ANK2: variants seen among roughly 807,000 people sequenced by gnomAD.
The protein encoded by ANK2 is ankyrin-2.
ANK2 carries 83 observed loss-of-function variants against 360.5 expected under a neutral mutation model. That is an observed-to-expected ratio of 0.23 (90% CI 0.19 to 0.28). ANK2 has a LOEUF of 0.28. Ranked by LOEUF, ANK2 falls within the 10% of genes least tolerant of loss-of-function variation. The pLI is 1.00. For synonymous variants in ANK2, 1,740 were observed against 1,759.5 expected, an observed-to-expected ratio of 0.99 and a Z score of 0.28; for missense variants, 4,201 against 4,795.7, an observed-to-expected ratio of 0.88 and a Z score of 3.66.
intron 5 of ANK2, among the ~76,000 whole-genome samples, chr4:113,234,581 G>A (rs894901846): frequency 1.3e-5 from 2 of 152,016 alleles, no homozygotes; most frequent in Admixed American, 1.3e-4. Context: ...GTGGTTGATT[G>A]CCATTTGATA....
the ANK2 span, among the ~76,000 whole-genome samples, chr4:112,754,986 C>A: frequency 6.6e-6 from 1 of 152,104 alleles, no homozygotes; most frequent in South Asian, 2.1e-4. Flanking sequence ...TTGGGAAAAT[C>A]CCAGATGAAG....
In ANK2 at chr4:113,153,088, C is replaced by CT. The variant is rs994523417; in HGVS notation, c.85-21317dup. Among the ~76,000 whole-genome samples, 427 of 145,204 alleles carry CT rather than the reference C, an allele frequency of 2.9e-3. 1 individual carries two copies. Among genetic ancestry groups the CT allele is most frequent in the African/African-American group, 8.5e-3 (337 of 39,772 alleles). ...ACATACAGTTTATTTAAATTTCAGTCTTTTTTTTTTTCTGTACTCTTTACC... is the reference window on the plus strand; with the variant it reads ...ACATACAGTTTATTTAAATTTCAGTCTTTTTTTTTTTTCTGTACTCTTTACC... On this transcript the variant is annotated intron_variant, in intron 1 of 45. Coordinates refer to ENST00000357077, the MANE Select transcript of ANK2 (RefSeq NM_001148.6).
intron 4 of ANK2, among the ~76,000 whole-genome samples, chr4:113,225,506 A>G (rs919639163): frequency 7.9e-5 from 12 of 152,150 alleles, no homozygotes; most frequent in Non-Finnish European, 1.6e-4. Flanking sequence ...ATGAATCTTC[A>G]CTTGTGTAAG....
chr4:112,946,438 T>G (rs995550099), intron 2 of ANK2, among the ~76,000 whole-genome samples: 1 of 152,198 alleles, frequency 6.6e-6, no homozygotes, highest in African/African-American at 2.4e-5. Flanking sequence ...GAAGACTGTC[T>G]ATAATTTGAT....
At chr4:112,819,286 C>T (rs537874385) in intron 1 of ANK2, among the ~76,000 whole-genome samples, 3 of 152,152 alleles carry the variant, frequency 2.0e-5, no homozygotes, top group Non-Finnish European at 4.4e-5. Context: ...AGTTCTAGGT[C>T]AAGGTGTATG....
At chr4:113,080,186 G>T (rs1475161911) in intron 1 of ANK2, among the ~76,000 whole-genome samples, 1 of 152,102 alleles carries the variant, frequency 6.6e-6, no homozygotes. Context: ...GACGTCAGTC[G>T]CCATGCCCTG....
At chr4:113,306,990 C>T (rs1049511175) in intron 23 of ANK2, among the ~76,000 whole-genome samples, 1 of 152,206 alleles carries the variant, frequency 6.6e-6, no homozygotes. Context: ...GAGTTGATCC[C>T]TGTCTTCGCT....
chr4:112,973,475 A>G (rs765507048), intron 2 of ANK2, among the ~76,000 whole-genome samples: 6 of 152,174 alleles, frequency 3.9e-5, no homozygotes, highest in African/African-American at 7.2e-5. Context: ...GCGCTGTTCC[A>G]TCTTCTCTTT....
chr4:113,202,541 A>G (rs2098845530), intron 4 of ANK2, among the ~76,000 whole-genome samples: 1 of 152,262 alleles, frequency 6.6e-6, no homozygotes, highest in East Asian at 1.9e-4. Context: ...AATTATAGGA[A>G]CATTGGCAGC....
intron 42 of ANK2, among the ~76,000 whole-genome samples, chr4:113,369,083 T>G (rs969963739): frequency 6.6e-6 from 1 of 152,262 alleles, no homozygotes; most frequent in Non-Finnish European, 1.5e-5. Flanking sequence ...TTTATACTTA[T>G]GATAACTATA....
chr4:113,299,360 A>G (rs1364658275), intron 22 of ANK2, among the ~76,000 whole-genome samples: 1 of 152,236 alleles, frequency 6.6e-6, no homozygotes, highest in Non-Finnish European at 1.5e-5. Flanking sequence ...TTAACTTTCT[A>G]ATACAGTCTA....
the ANK2 span, among the ~76,000 whole-genome samples, chr4:112,752,821 A>G: frequency 1.1e-3 from 163 of 151,994 alleles, no homozygotes; most frequent in African/African-American, 3.1e-3. Context: ...ATGCGCCACG[A>G]TACCTGGCTA....
At chr4:113,019,680 G>A (rs566463896) in intron 2 of ANK2, among the ~76,000 whole-genome samples, 79 of 152,212 alleles carry the variant, frequency 5.2e-4, no homozygotes, top group Non-Finnish European at 9.9e-4. Context: ...CAAAATTTCA[G>A]TACTTCCCAG....
chr4:113,149,979 C>T (rs750817561), intron 1 of ANK2, among the ~76,000 whole-genome samples: 1 of 150,176 alleles, frequency 6.7e-6, no homozygotes, highest in African/African-American at 2.4e-5. Context: ...GGCTTACCCA[C>T]ATGTAATCAA....
At chr4:113,181,452 T>G (rs941451590) in intron 2 of ANK2, among the ~76,000 whole-genome samples, 3 of 152,160 alleles carry the variant, frequency 2.0e-5, no homozygotes, top group Non-Finnish European at 4.4e-5. Context: ...TACTCAAACA[T>G]GTATTGTGTG....
rs147010916 is a variant in ANK2, at chr4:113,332,658, T to C, written c.3225-396T>C. On this transcript the variant is annotated intron_variant, in intron 28 of 45. Coordinates refer to ENST00000357077, the MANE Select transcript of ANK2 (RefSeq NM_001148.6). ...ATTTACGACACATCAAATTATGCAA[T>C]GTGTGAGCCATTTTCCTCTTAAACC... Among the ~76,000 whole-genome samples the C allele has an allele frequency of 3.1e-3, 470 of 152,362 alleles. 4 individuals carry two copies. The highest frequency in any genetic ancestry group is 0.011 in the African/African-American group (456 of 41,586).
intron 4 of ANK2, among the ~76,000 whole-genome samples, chr4:113,220,914 TG>T (rs1307039429): frequency 2.0e-4 from 31 of 152,344 alleles, no homozygotes; most frequent in African/African-American, 7.2e-4. Flanking sequence ...CTGATTTCTA[TG>T]GAGGATTCCA....
rs1320842926 is a variant in ANK2 at position 113,264,905 on chromosome 4, G to C, written c.1395G>C (p.Glu465Asp). 6.4e-7 allele frequency: 1 copy of C among 1,563,310 alleles called. No homozygotes were observed. The highest frequency in any genetic ancestry group is 8.7e-7 in the Non-Finnish European group (1 of 1,152,806). ...TCTTTGTTCCCTGGCAGCGTGGTGA[G>C]ACGGCACTACACATGGCAGCCCGAG... ...ASPDVTNIRG[E>D]TALHMAARAG... is the part of the protein sequence containing the mutation. The change falls in exon 14 of 46, where the codon GAG (glutamate) becomes GAC (aspartate). Residue 465 changes from glutamate (E) to aspartate (D), a missense_variant. By Grantham distance (45) the Glu-to-Asp change is conservative. Coordinates refer to ENST00000357077, the MANE Select transcript of ANK2 (RefSeq NM_001148.6).
chr4:112,786,746 CTTT>C, the ANK2 span, among the ~76,000 whole-genome samples: 8 of 108,884 alleles, frequency 7.3e-5, no homozygotes, highest in Admixed American at 1.9e-4. Flanking sequence ...TAAAATCAAA[CTTT>C]TTTTTTTTTT....
Sources: gnomAD v4.1 joint callset for allele counts (sites outside exome capture counted in the v4.1 genomes callset) on GRCh38, gnomAD v4.1.1 for gene constraint, MANE v1.5 for transcripts, NCBI Gene and HGNC (gene_info 2026-07-23, HGNC 2026-07-21) for gene names.